The following KCNIP4 variants were observed in gnomAD, a reference collection of about 807,000 sequenced individuals.
KCNIP4 encodes the protein potassium voltage-gated channel interacting protein 4.
A neutral mutation model predicts 34.0 loss-of-function variants in KCNIP4; 12 were observed. The ratio of observed to expected loss-of-function variants is 0.35; its 90% CI spans 0.23 to 0.57. The LOEUF (loss-of-function observed/expected upper bound fraction) is 0.57, where lower values mean the gene tolerates loss of function less well. KCNIP4 is among the 20% of genes least tolerant of loss of function. KCNIP4 has a pLI of 0.83. For missense variants in KCNIP4, 238 were observed against 311.7 expected, an observed-to-expected ratio of 0.76 and a Z score of 1.78; for synonymous variants, 124 against 102.2, an observed-to-expected ratio of 1.21 and a Z score of -1.29.
rs545907025 is a variant in KCNIP4, at chr4:21,312,104, G to T, written c.62-429395C>A. Among the ~76,000 whole-genome samples the T allele has an allele frequency of 2.6e-5, 4 of 152,262 alleles. No homozygotes were observed. In the South Asian group the frequency reaches 8.3e-4, roughly 32 times the overall value. On this transcript the variant is annotated intron_variant, in intron 1 of 8. Transcript: ENST00000382152. ...AACACAAGCTGCTCAGTGGGTAAAGGTAGTTAAATGGAGGAACAATAGACA... is the reference window on the plus strand; with the variant it reads ...AACACAAGCTGCTCAGTGGGTAAAGTTAGTTAAATGGAGGAACAATAGACA...
At chr4:20,989,125 C>T (rs1736854201) in intron 1 of KCNIP4, among the ~76,000 whole-genome samples, 2 of 152,176 alleles carry the variant, frequency 1.3e-5, no homozygotes, top group African/African-American at 2.4e-5. Flanking sequence ...AGTTACTCTT[C>T]ATTGAGTTCT....
chr4:21,537,038 C>T (rs745355843), intron 1 of KCNIP4, among the ~76,000 whole-genome samples: 3 of 152,058 alleles, frequency 2.0e-5, no homozygotes, highest in Non-Finnish European at 4.4e-5. Context: ...CACACTGAGG[C>T]CATAAAGTAA....
intron 1 of KCNIP4, among the ~76,000 whole-genome samples, chr4:21,866,410 T>C (rs990978099): frequency 6.6e-6 from 1 of 152,208 alleles, no homozygotes; most frequent in Non-Finnish European, 1.5e-5. Context: ...TCTTTTGCCA[T>C]AATATCTGTA....
intron 1 of KCNIP4, among the ~76,000 whole-genome samples, chr4:21,635,035 TG>T (rs1316445190): frequency 6.6e-6 from 1 of 152,198 alleles, no homozygotes; most frequent in Non-Finnish European, 1.5e-5. Flanking sequence ...GAGCAAAGGC[TG>T]GGAAAGTTAG....
At chr4:21,334,946 A>C (rs1413163275) in intron 1 of KCNIP4, among the ~76,000 whole-genome samples, 1 of 152,118 alleles carries the variant, frequency 6.6e-6, no homozygotes. Flanking sequence ...GACTTCGACA[A>C]ATCATGCTAG....
intron 1 of KCNIP4, among the ~76,000 whole-genome samples, chr4:21,700,565 T>A (rs978176817): frequency 6.6e-6 from 1 of 152,092 alleles, no homozygotes; most frequent in Admixed American, 6.6e-5. Flanking sequence ...TGTTGTTTTT[T>A]TTTGTTTGTT....
rs1577808067 is a variant in KCNIP4 at position 21,159,382 on chromosome 4, T to TCTAAATATAAA, written c.62-276674_62-276673insTTTATATTTAG. Among the ~76,000 whole-genome samples the TCTAAATATAAA allele has an allele frequency of 2.8e-3, 222 of 78,622 alleles. 4 individuals are homozygous for TCTAAATATAAA. The highest frequency in any genetic ancestry group is 5.4e-3 in the South Asian group (15 of 2,784). The allele number at this position is 78,622 out of a possible 152,430, so 51.6% of individuals were successfully genotyped here. ...TATTTTTAGAAAATTATACTAAAGATATGTTTGAGGGGGAGGAGCCAAGAT... is the reference window on the plus strand; with the variant it reads ...TATTTTTAGAAAATTATACTAAAGATCTAAATATAAAATGTTTGAGGGGGAGGAGCCAAGAT... On this transcript the variant is annotated intron_variant, in intron 1 of 8. Coordinates refer to ENST00000382152, the MANE Select transcript of KCNIP4 (RefSeq NM_025221.6).
chr4:21,626,936 A>G (rs1026908905), intron 1 of KCNIP4, among the ~76,000 whole-genome samples: 1 of 151,998 alleles, frequency 6.6e-6, no homozygotes, highest in Admixed American at 6.6e-5. Flanking sequence ...CTTACAATCT[A>G]TGTTTATTTT....
intron 3 of KCNIP4, among the ~76,000 whole-genome samples, chr4:20,788,365 T>C (rs1712277223): frequency 6.6e-6 from 1 of 152,176 alleles, no homozygotes; most frequent in Non-Finnish European, 1.5e-5. Context: ...ACAGTTGCTA[T>C]TTTTCTATTT....
intron 1 of KCNIP4, among the ~76,000 whole-genome samples, chr4:21,201,642 T>TAGCTGGGACTACAGG (rs1560804741): frequency 4.0e-5 from 6 of 151,842 alleles, no homozygotes; most frequent in African/African-American, 1.5e-4. Flanking sequence ...GGGACTACAG[T>TAGCTGGGACTACAGG]TGCCCGCCAC....
At chr4:21,218,583 A>T (rs1246314039) in intron 1 of KCNIP4, among the ~76,000 whole-genome samples, 1 of 152,186 alleles carries the variant, frequency 6.6e-6, no homozygotes, top group Non-Finnish European at 1.5e-5. Flanking sequence ...CACATTCTTT[A>T]TCACTAATAG....
chr4:21,854,238 A>G (rs571435651), intron 1 of KCNIP4, among the ~76,000 whole-genome samples: 1 of 152,342 alleles, frequency 6.6e-6, no homozygotes, highest in Non-Finnish European at 1.5e-5. Context: ...TCCTGCACTC[A>G]GCAGTGCAAA....
chr4:20,746,716 C>T (rs1279138656), intron 5 of KCNIP4, among the ~76,000 whole-genome samples: 1 of 152,150 alleles, frequency 6.6e-6, no homozygotes, highest in Non-Finnish European at 1.5e-5. Flanking sequence ...GTTAAGTACT[C>T]AGCCTAGGGT....
At chr4:21,192,436 C>A (rs1755721074) in intron 1 of KCNIP4, among the ~76,000 whole-genome samples, 1 of 152,120 alleles carries the variant, frequency 6.6e-6, no homozygotes, top group African/African-American at 2.4e-5. Flanking sequence ...GCTTTATGGT[C>A]TTTAATGTTG....
intron 1 of KCNIP4, among the ~76,000 whole-genome samples, chr4:21,130,990 T>C (rs1371127172): frequency 6.6e-6 from 1 of 152,150 alleles, no homozygotes; most frequent in Non-Finnish European, 1.5e-5. Flanking sequence ...CTCCTTGACT[T>C]ATGCTGGGAT....
chr4:21,324,554 A>G (rs2109308971), intron 1 of KCNIP4, among the ~76,000 whole-genome samples: 1 of 151,964 alleles, frequency 6.6e-6, no homozygotes, highest in East Asian at 1.9e-4. Flanking sequence ...AAATGAGTTG[A>G]GTGTAGATGT....
At chr4:21,072,479 T>C (rs1745046120) in intron 1 of KCNIP4, among the ~76,000 whole-genome samples, 1 of 151,056 alleles carries the variant, frequency 6.6e-6, no homozygotes, top group South Asian at 2.1e-4. Flanking sequence ...CACCCTCTTT[T>C]TGATGGGGTT....
At chr4:21,264,281 T>A (rs1260418430) in intron 1 of KCNIP4, among the ~76,000 whole-genome samples, 1 of 136,424 alleles carries the variant, frequency 7.3e-6, no homozygotes, top group Non-Finnish European at 1.6e-5. Context: ...GACTTAGGAA[T>A]AGAAATAATT....
chr4:21,492,235 T>C (rs1026906579), intron 1 of KCNIP4, among the ~76,000 whole-genome samples: 3 of 152,110 alleles, frequency 2.0e-5, no homozygotes, highest in Admixed American at 2.0e-4. Context: ...CTTTTTTGTT[T>C]TGAGACAGAG....
Sources: allele counts gnomAD v4.1 joint callset (sites outside exome capture counted in the v4.1 genomes callset), GRCh38; gene constraint gnomAD v4.1.1; transcripts MANE v1.5; gene names NCBI Gene and HGNC (gene_info 2026-07-23, HGNC 2026-07-21).